The following NLGN4X variants were observed in gnomAD, a reference collection of about 807,000 sequenced individuals.
The protein encoded by NLGN4X is neuroligin-4, X-linked.
Under a neutral mutation model 40.3 loss-of-function variants are expected in NLGN4X, and 3 were observed. The ratio of observed to expected loss-of-function variants is 0.07; its 90% confidence interval spans 0.03 to 0.19. The LOEUF (loss-of-function observed/expected upper bound fraction) is 0.19. Among genes scored for constraint, NLGN4X ranks in the 10% least tolerant of loss-of-function variants. The pLI, the probability that NLGN4X is intolerant of heterozygous loss-of-function variation, is 1.00. For synonymous variants in NLGN4X, 270 were observed against 306.8 expected, an observed-to-expected ratio of 0.88 and a Z score of 1.25; for missense variants, 382 against 708.3, an observed-to-expected ratio of 0.54 and a Z score of 5.23.
rs76786526 is a variant in NLGN4X at position 6,225,321 on chromosome X, C to A, written c.-306+3220G>T. On this transcript the variant is annotated intron_variant, in intron 1 of 5. Coordinates refer to ENST00000381095, the MANE Select transcript of NLGN4X (RefSeq NM_181332.3). ...ATGCTGAGGATTTAATGGATTACTG[C>A]TAACATCTTCCCCACAGCCAACTAA... Among the ~76,000 whole-genome samples the A allele has an allele frequency of 2.9e-3, 319 of 108,748 alleles. 6 individuals are homozygous for A. In the East Asian group the frequency reaches 0.062, roughly 21 times the overall value. The allele number at this position is 108,748 out of a possible 115,157, so 94.4% of individuals were successfully genotyped here.
At chrX:6,031,985 A>C (rs749907487) in intron 2 of NLGN4X, among the ~76,000 whole-genome samples, 11 of 109,929 alleles carry the variant, frequency 1.0e-4, no homozygotes, top group Non-Finnish European at 2.1e-4. Context: ...GTTTTCAAAA[A>C]AGCCGTGGTG....
chrX:5,899,230 G>A (rs775479550), intron 5 of NLGN4X, among the ~76,000 whole-genome samples: 1 of 112,192 alleles, frequency 8.9e-6, no homozygotes, highest in Admixed American at 9.4e-5. Context: ...GTTATTTCAG[G>A]GATGTTTCCC....
chrX:6,138,031 C>G (rs1602300273), intron 2 of NLGN4X, among the ~76,000 whole-genome samples: 1 of 111,951 alleles, frequency 8.9e-6, no homozygotes, highest in Non-Finnish European at 1.9e-5. Flanking sequence ...GTTGTGCATT[C>G]AGCATCCGGT....
rs971248204 is a variant in NLGN4X at position 6,228,618 on chromosome X, G to A, written c.-383C>T. ...GATTTTTCTAGGGAACCCGAAACGA[G>A]GTATGATTCAGGAGGATGTATTGAA... On this transcript the variant is annotated 5_prime_UTR_variant, in exon 1 of 6. Coordinates refer to ENST00000381095, the MANE Select transcript of NLGN4X (RefSeq NM_181332.3). 1.8e-5 allele frequency: 2 copies of A among 111,143 alleles called. No individual in the cohort carries two copies. Among genetic ancestry groups the A allele is most frequent in the African/African-American group, 6.6e-5 (2 of 30,472 alleles). The allele number at this position is 111,143 out of a possible 1,213,427, so 9.2% of individuals were successfully genotyped here.
chrX:6,147,683 TAC>T (rs61550469), intron 2 of NLGN4X, among the ~76,000 whole-genome samples: 7 of 106,671 alleles, frequency 6.6e-5, no homozygotes, highest in Admixed American at 1.0e-4. Flanking sequence ...CTCTGTCACA[TAC>T]ACACACACAC....
At chrX:6,072,004 A>G (rs1335088988) in intron 2 of NLGN4X, among the ~76,000 whole-genome samples, 3 of 110,724 alleles carry the variant, frequency 2.7e-5, no homozygotes, top group East Asian at 2.9e-4. Flanking sequence ...AACCATCCAC[A>G]GCAAGCTCGG....
intron 3 of NLGN4X, among the ~76,000 whole-genome samples, chrX:5,918,529 A>G (rs1260362514): frequency 1.8e-5 from 2 of 112,247 alleles, no homozygotes; most frequent in Admixed American, 9.5e-5. Flanking sequence ...AAGACAGACA[A>G]TATTTTCTAG....
intron 2 of NLGN4X, among the ~76,000 whole-genome samples, chrX:6,096,654 A>G (rs2038784451): frequency 8.9e-6 from 1 of 111,901 alleles, no homozygotes; most frequent in Non-Finnish European, 1.9e-5. Flanking sequence ...ACTCGCTGAG[A>G]GACTTTGGCT....
chrX:6,037,050 T>C (rs906198215), intron 2 of NLGN4X, among the ~76,000 whole-genome samples: 12 of 111,429 alleles, frequency 1.1e-4, no homozygotes, highest in African/African-American at 3.9e-4. Flanking sequence ...CGGTGGCTCA[T>C]GCCTGTAATC....
chrX:6,161,664 G>C (rs1433133018), intron 1 of NLGN4X, among the ~76,000 whole-genome samples: 5 of 107,906 alleles, frequency 4.6e-5, no homozygotes, highest in African/African-American at 1.7e-4. Flanking sequence ...GAGTTTAATT[G>C]CTTTAATATT....
chrX:5,994,661 G>T (rs187972460), intron 3 of NLGN4X, among the ~76,000 whole-genome samples: 1 of 111,862 alleles, frequency 8.9e-6, no homozygotes, highest in Non-Finnish European at 1.9e-5. Context: ...GGACCATAAC[G>T]ATATCGCTTA....
At chrX:5,930,197 T>C (rs771272850) in intron 3 of NLGN4X, among the ~76,000 whole-genome samples, 1 of 112,572 alleles carries the variant, frequency 8.9e-6, no homozygotes, top group Non-Finnish European at 1.9e-5. Flanking sequence ...TCTGTAGTTA[T>C]AGACTGGGAT....
At chrX:6,052,548 TCTGCACGGGCATTTGGG>T (rs775621025) in intron 2 of NLGN4X, among the ~76,000 whole-genome samples, 88 of 112,026 alleles carry the variant, frequency 7.9e-4, no homozygotes, top group Non-Finnish European at 1.5e-3. Flanking sequence ...AGTTCAGCAG[TCTGCACGGGCATTTGGG>T]CTGCCTGTCA....
rs758907911 is a variant in NLGN4X, at chrX:6,206,164, C to T, written c.-306+22377G>A. Among the ~76,000 whole-genome samples, 166 of 111,340 alleles carry T rather than the reference C, an allele frequency of 1.5e-3. 1 individual carries two copies. The highest frequency in any genetic ancestry group is 5.0e-3 in the African/African-American group (153 of 30,647). On this transcript the variant is annotated intron_variant, in intron 1 of 5. Coordinates refer to ENST00000381095, the MANE Select transcript of NLGN4X (RefSeq NM_181332.3). ...AATGTGTTGATGCAGTGACATGGAG[C>T]AGTGGAGTCTCTAAAATCCTCATGA...
chrX:6,069,751 T>G (rs1331435170), intron 2 of NLGN4X, among the ~76,000 whole-genome samples: 1 of 112,164 alleles, frequency 8.9e-6, no homozygotes, highest in African/African-American at 3.2e-5. Context: ...TGAGGCATCA[T>G]GTAAAAAATG....
chrX:6,133,397 A>G (rs960877680), intron 2 of NLGN4X, among the ~76,000 whole-genome samples: 2 of 112,217 alleles, frequency 1.8e-5, no homozygotes, highest in Admixed American at 9.5e-5. Flanking sequence ...ATTTAACTGA[A>G]CACAGATATA....
intron 2 of NLGN4X, among the ~76,000 whole-genome samples, chrX:6,085,907 C>T (rs2038485515): frequency 8.9e-6 from 1 of 112,173 alleles, no homozygotes; most frequent in Admixed American, 9.4e-5. Context: ...GAATGACTGA[C>T]TGATAGCTCA....
chrX:6,032,204 A>G (rs2036878074), intron 2 of NLGN4X, among the ~76,000 whole-genome samples: 1 of 86,301 alleles, frequency 1.2e-5, no homozygotes. Context: ...GTTTGTGAAG[A>G]AAAAAAAAAC....
At chrX:5,926,241 A>G (rs886493007) in intron 3 of NLGN4X, among the ~76,000 whole-genome samples, 4 of 109,024 alleles carry the variant, frequency 3.7e-5, no homozygotes, top group South Asian at 4.1e-4. Context: ...CCACAATTGT[A>G]AGCTTCCTGA....
Sources: allele counts gnomAD v4.1 joint callset (sites outside exome capture counted in the v4.1 genomes callset), GRCh38; gene constraint gnomAD v4.1.1; transcripts MANE v1.5; gene names NCBI Gene and HGNC (gene_info 2026-07-23, HGNC 2026-07-21).